Variants in SYT16 observed in about 807,000 individuals in gnomAD.
SYT16 encodes synaptotagmin 16, also known as synaptotagmin-16.
In SYT16, 42 loss-of-function variants were observed where a neutral mutation model predicts 61.4. The ratio of observed to expected loss-of-function variants is 0.68; its 90% CI spans 0.53 to 0.89. SYT16 has a LOEUF of 0.89. Ranked by LOEUF, SYT16 falls within the 40% of genes least tolerant of loss-of-function variation. SYT16 has a pLI of 0.00. For synonymous variants in SYT16, 314 were observed against 302.3 expected (o/e 1.04, Z -0.40); for missense variants, 804 against 807.3 (o/e 1.00, Z 0.05).
intron 1 of SYT16, among the ~76,000 whole-genome samples, chr14:61,906,251 A>T (rs182437866): frequency 9.8e-5 from 15 of 152,330 alleles, no homozygotes; most frequent in African/African-American, 3.1e-4. Flanking sequence ...AATGACAAGC[A>T]GTGAGCCATA....
chr14:62,084,487 C>G (rs1190379971), intron 7 of SYT16, 102 bp downstream of exon 7: 1 of 1,277,638 alleles, frequency 7.8e-7, no homozygotes, highest in Non-Finnish European at 1.1e-6. Flanking sequence ...TAAAAATGAT[C>G]TTATTATGGC....
chr14:61,820,664 A>G (rs1387144522), intron 1 of SYT16, among the ~76,000 whole-genome samples: 1 of 151,226 alleles, frequency 6.6e-6, no homozygotes, highest in Non-Finnish European at 1.5e-5. Context: ...GTATTTTTAG[A>G]AGAGACAGGG....
intron 1 of SYT16, among the ~76,000 whole-genome samples, chr14:61,838,461 C>T (rs1776814521): frequency 6.6e-6 from 1 of 152,186 alleles, no homozygotes; most frequent in East Asian, 1.9e-4. Flanking sequence ...AGAGAGAATG[C>T]ACCATGTCCA....
intron 2 of SYT16, among the ~76,000 whole-genome samples, chr14:61,973,577 G>A (rs2051655660): frequency 6.6e-6 from 1 of 152,168 alleles, no homozygotes; most frequent in Non-Finnish European, 1.5e-5. Context: ...TTCACAGTGA[G>A]ACAATAGTTT....
At chr14:62,046,815 C>G (rs556911984) in intron 3 of SYT16, among the ~76,000 whole-genome samples, 1,649 of 152,188 alleles carry the variant, frequency 0.011, 19 homozygotes, top group Non-Finnish European at 0.017. Flanking sequence ...TGGTCTATAT[C>G]TCTGTTTTGG....
intron 1 of SYT16, among the ~76,000 whole-genome samples, chr14:61,896,959 T>G (rs1320676792): frequency 6.6e-6 from 1 of 152,202 alleles, no homozygotes; most frequent in Non-Finnish European, 1.5e-5. Context: ...TGAGATGATC[T>G]AAGACAGAGG....
intron 1 of SYT16, among the ~76,000 whole-genome samples, chr14:61,946,739 A>G (rs1035346523): frequency 6.6e-6 from 1 of 152,154 alleles, no homozygotes; most frequent in African/African-American, 2.4e-5. Flanking sequence ...GTTTAGGACT[A>G]GGTCCTATTC....
At chr14:61,980,491 T>C (rs2052022785) in intron 2 of SYT16, among the ~76,000 whole-genome samples, 1 of 152,224 alleles carries the variant, frequency 6.6e-6, no homozygotes, top group South Asian at 2.1e-4. Flanking sequence ...TTTAAAAATA[T>C]ATAGGCTTAT....
At chr14:61,925,573 G>T (rs1031757287) in intron 1 of SYT16, among the ~76,000 whole-genome samples, 2 of 152,140 alleles carry the variant, frequency 1.3e-5, no homozygotes, top group Non-Finnish European at 2.9e-5. Flanking sequence ...AAAAAAGGGG[G>T]TTTCTTCTCT....
intron 3 of SYT16, among the ~76,000 whole-genome samples, chr14:62,059,266 C>T (rs183513793): frequency 2.9e-4 from 44 of 152,266 alleles, no homozygotes; most frequent in South Asian, 4.1e-4. Flanking sequence ...CTCAATTTAT[C>T]GGTATCTCAT....
intron 1 of SYT16, among the ~76,000 whole-genome samples, chr14:61,929,651 G>T (rs2049684091): frequency 1.3e-5 from 2 of 152,196 alleles, no homozygotes; most frequent in South Asian, 2.1e-4. Context: ...CATTGCTGGA[G>T]CATTGATGTC....
In SYT16 at chr14:61,948,983, A is replaced by T. The variant is rs142065520; in HGVS notation, c.-324-21149A>T. Among the ~76,000 whole-genome samples the T allele has an allele frequency of 1.5e-3, 222 of 152,246 alleles. 1 individual carries two copies. Among genetic ancestry groups the T allele is most frequent in the African/African-American group, 5.0e-3 (207 of 41,544 alleles). Reference sequence around the variant, plus strand: ...CCATTCTGGAATCTGAGTGAGAGAGACCTTAGGAGGAGACAGCTGAGTCAT... The same window carrying T: ...CCATTCTGGAATCTGAGTGAGAGAGTCCTTAGGAGGAGACAGCTGAGTCAT... On this transcript the variant is annotated intron_variant, in intron 1 of 7. Coordinates refer to ENST00000683842, the MANE Select transcript of SYT16 (RefSeq NM_001367656.1).
chr14:61,958,632 G>C (rs2050981103), intron 1 of SYT16, among the ~76,000 whole-genome samples: 1 of 151,762 alleles, frequency 6.6e-6, no homozygotes, highest in Admixed American at 6.6e-5. Context: ...AATGATTTCA[G>C]TCTTCTTAAG....
intron 3 of SYT16, among the ~76,000 whole-genome samples, chr14:62,000,167 G>A (rs1252001773): frequency 7.5e-6 from 1 of 132,492 alleles, no homozygotes; most frequent in African/African-American, 2.8e-5. Context: ...TAAGGGAGGA[G>A]CATTGAAGTC....
At chr14:62,078,194 C>CACACACACACACACACACACACAT (rs2056582022) in intron 5 of SYT16, among the ~76,000 whole-genome samples, 1 of 151,526 alleles carries the variant, frequency 6.6e-6, no homozygotes, top group African/African-American at 2.4e-5. Flanking sequence ...CACACACACA[C>CACACACACACACACACACACACAT]ACATATGTCT....
At position 61,845,071 on chromosome 14, in the gene SYT16, A is replaced by G. The variant is rs2046406147; in HGVS notation, c.-325+32261A>G. 3.5e-5 allele frequency among the ~76,000 whole-genome samples: 4 copies of G among 113,840 alleles called. No individual in the cohort carries two copies. The South Asian group carries it at 1.1e-3, about 31-fold the overall frequency. 74.7% of individuals were successfully genotyped at this position (113,840 alleles called of 152,430 possible). A position where few individuals can be genotyped will look rare whatever the true frequency, so the allele number is the denominator to read the frequency against. On this transcript the variant is annotated intron_variant, in intron 1 of 7. Coordinates refer to ENST00000683842, the MANE Select transcript of SYT16 (RefSeq NM_001367656.1). The stretch of plus-strand genomic sequence containing the variant: ...TTTTTTTTTTTTTTTTTTTTGAGAT[A>G]GAGTCTCACACTGTCACCCCAGCTG...
At chr14:62,088,522 C>T (rs185833471) in intron 7 of SYT16, among the ~76,000 whole-genome samples, 1 of 152,214 alleles carries the variant, frequency 6.6e-6, no homozygotes, top group Non-Finnish European at 1.5e-5. Context: ...AATTTTTTAT[C>T]TATATATTGA....
chr14:61,823,809 T>C (rs1484678124), intron 1 of SYT16, among the ~76,000 whole-genome samples: 1 of 152,170 alleles, frequency 6.6e-6, no homozygotes, highest in Non-Finnish European at 1.5e-5. Flanking sequence ...AGCGACTGAC[T>C]GCTTTATGAT....
intron 1 of SYT16, among the ~76,000 whole-genome samples, chr14:61,931,425 A>G (rs1882183257): frequency 6.6e-6 from 1 of 152,074 alleles, no homozygotes. Context: ...TTGTAGCCAA[A>G]TTGATAAATG....
Sources: gnomAD v4.1 joint callset for allele counts (sites outside exome capture counted in the v4.1 genomes callset) on GRCh38, gnomAD v4.1.1 for gene constraint, MANE v1.5 for transcripts, NCBI Gene and HGNC (gene_info 2026-07-23, HGNC 2026-07-21) for gene names.